The following VWA3B variants were observed in gnomAD, a reference collection of about 807,000 sequenced individuals.
VWA3B encodes the protein von Willebrand factor A domain-containing protein 3B.
VWA3B carries 138 observed loss-of-function variants against 158.3 expected under a neutral mutation model. The ratio of observed to expected loss-of-function variants is 0.87; its 90% CI spans 0.76 to 1.00. The LOEUF is 1.00. Among genes scored for constraint, VWA3B ranks in the 50% least tolerant of loss-of-function variants. The pLI is 0.00. For synonymous variants in VWA3B, 596 were observed against 587.3 expected (o/e 1.01, Z -0.21); for missense variants, 1,555 against 1,565.1 (o/e 0.99, Z 0.11).
intron 7 of VWA3B, among the ~76,000 whole-genome samples, chr2:98,141,693 C>G (rs1392119358): frequency 1.3e-5 from 2 of 152,208 alleles, no homozygotes; most frequent in South Asian, 2.1e-4. Flanking sequence ...AGCAAACTCT[C>G]AAGTGGCCTT....
chr2:98,113,622 A>G (rs1353049873), intron 2 of VWA3B, among the ~76,000 whole-genome samples: 1 of 152,192 alleles, frequency 6.6e-6, no homozygotes, highest in Admixed American at 6.5e-5. Context: ...TACTATATTC[A>G]CAGATATGTG....
intron 8 of VWA3B, among the ~76,000 whole-genome samples, chr2:98,177,751 T>A (rs1445049680): frequency 6.6e-6 from 1 of 152,118 alleles, no homozygotes; most frequent in Non-Finnish European, 1.5e-5. Context: ...CACTGTGAAG[T>A]TGGAGTCAGA....
downstream of VWA3B, among the ~76,000 whole-genome samples, chr2:98,314,276 C>T (rs1193087210): frequency 3.3e-5 from 5 of 152,184 alleles, no homozygotes; most frequent in Non-Finnish European, 7.4e-5. Flanking sequence ...TCGCTGGAGA[C>T]CTGCGGAGTG....
chr2:98,224,884 A>G (rs1684790531), intron 14 of VWA3B, among the ~76,000 whole-genome samples: 1 of 152,262 alleles, frequency 6.6e-6, no homozygotes, highest in Non-Finnish European at 1.5e-5. Flanking sequence ...AAATATTAGT[A>G]AAATGAATCC....
intron 9 of VWA3B, among the ~76,000 whole-genome samples, chr2:98,181,474 A>G (rs1680575750): frequency 6.6e-6 from 1 of 152,250 alleles, no homozygotes; most frequent in Non-Finnish European, 1.5e-5. Flanking sequence ...GAAATCAGGC[A>G]TTATGAGTTT....
intron 2 of VWA3B, among the ~76,000 whole-genome samples, chr2:98,094,263 G>A (rs1230543109): frequency 3.3e-5 from 5 of 152,140 alleles, no homozygotes. Context: ...CCCACCAACA[G>A]TGTGTGTGGG....
rs1347663698 is a variant in VWA3B at position 98,125,150 on chromosome 2, C to T, written c.703-3089C>T. Among the ~76,000 whole-genome samples the T allele has an allele frequency of 6.6e-6, 1 of 152,214 alleles. No homozygotes were observed. Among genetic ancestry groups the T allele is most frequent in the Non-Finnish European group, 1.5e-5 (1 of 68,042 alleles). ...AGCTCAAAGACACTGGTTAAGGGAG[C>T]AGATTCCCATGAGGATAACTCCTTT... is the stretch of plus-strand genomic sequence containing the variant. On this transcript the variant is annotated intron_variant, in intron 5 of 27. Coordinates refer to ENST00000477737, the MANE Select transcript of VWA3B (RefSeq NM_144992.5). This position sits in a 1 kb window ranked among gnomAD's most constrained non-coding sequence, Gnocchi z 4.1.
chr2:98,247,261 G>A (rs1172661059), intron 19 of VWA3B, among the ~76,000 whole-genome samples: 1 of 152,050 alleles, frequency 6.6e-6, no homozygotes, highest in Non-Finnish European at 1.5e-5. Context: ...GCCTCCCAAA[G>A]TGCTGGGATT....
intron 2 of VWA3B, among the ~76,000 whole-genome samples, chr2:98,102,596 G>A (rs964723543): frequency 1.1e-4 from 16 of 152,164 alleles, no homozygotes; most frequent in African/African-American, 3.9e-4. Context: ...ACCTAATTCA[G>A]TCAAGGAAGT....
chr2:98,109,972 T>G (rs2104903186), intron 2 of VWA3B, among the ~76,000 whole-genome samples: 1 of 152,232 alleles, frequency 6.6e-6, no homozygotes, highest in Non-Finnish European at 1.5e-5. Flanking sequence ...GGTGTGAATT[T>G]ATTTGCATTT....
chr2:98,265,215 C>G (rs185528285), intron 21 of VWA3B, among the ~76,000 whole-genome samples: 4 of 149,246 alleles, frequency 2.7e-5, no homozygotes, highest in Admixed American at 6.7e-5. Flanking sequence ...CACAACAGTC[C>G]CCAGAGTGCG....
the VWA3B span, among the ~76,000 whole-genome samples, chr2:98,325,017 C>G: frequency 6.6e-6 from 1 of 151,796 alleles, no homozygotes; most frequent in Non-Finnish European, 1.5e-5. Flanking sequence ...AAAAGAGATA[C>G]AAGATTTAAA....
chr2:98,186,211 G>T (rs1032398540), intron 9 of VWA3B, among the ~76,000 whole-genome samples: 2 of 134,670 alleles, frequency 1.5e-5, no homozygotes, highest in Non-Finnish European at 3.1e-5. Flanking sequence ...CTCCCACCTC[G>T]CTGGCTGTTC....
At chr2:98,182,389 G>T (rs1205119721) in intron 9 of VWA3B, among the ~76,000 whole-genome samples, 4 of 152,210 alleles carry the variant, frequency 2.6e-5, no homozygotes, top group African/African-American at 4.8e-5. Context: ...ACCATGTTAT[G>T]TTCTTGCCCC....
chr2:98,321,920 C>T, the VWA3B span, among the ~76,000 whole-genome samples: 421 of 152,236 alleles, frequency 2.8e-3, 1 homozygote, highest in Admixed American at 4.9e-3. Flanking sequence ...ATGGGAGGGA[C>T]CCAGTGGGAG....
At chr2:98,287,880 A>G (rs1308931138) in intron 22 of VWA3B, among the ~76,000 whole-genome samples, 6 of 152,096 alleles carry the variant, frequency 3.9e-5, no homozygotes, top group South Asian at 2.1e-4. Context: ...CTTAGAGTAC[A>G]TGGTCTTTTT....
intron 26 of VWA3B, among the ~76,000 whole-genome samples, chr2:98,311,272 C>A (rs1038963068): frequency 5.3e-5 from 8 of 152,208 alleles, no homozygotes; most frequent in Non-Finnish European, 1.2e-4. Flanking sequence ...GGTAAATAAG[C>A]TTTGTCAGCG....
chr2:98,152,775 A>G (rs1677742112), intron 7 of VWA3B, among the ~76,000 whole-genome samples: 1 of 152,314 alleles, frequency 6.6e-6, no homozygotes, highest in Non-Finnish European at 1.5e-5. Flanking sequence ...GACTTTTCTG[A>G]GATGGTGTGA....
chr2:98,148,980 G>T (rs942957659), intron 7 of VWA3B, among the ~76,000 whole-genome samples: 2 of 152,218 alleles, frequency 1.3e-5, no homozygotes, highest in African/African-American at 4.8e-5. Context: ...CTTCTAAGGG[G>T]AGTGCACATG....
Sources: allele counts gnomAD v4.1 joint callset (sites outside exome capture counted in the v4.1 genomes callset), GRCh38; gene constraint gnomAD v4.1.1; non-coding constraint Gnocchi (gnomAD v3.1); transcripts MANE v1.5; gene names NCBI Gene and HGNC (gene_info 2026-07-23, HGNC 2026-07-21).